The following STAG1 variants were observed in gnomAD, a reference collection of about 807,000 sequenced individuals.
STAG1 encodes cohesin subunit SA-1.
In STAG1, 26 loss-of-function variants were observed where a neutral mutation model predicts 170.9. The ratio of observed to expected loss-of-function variants is 0.15; its 90% CI spans 0.11 to 0.21. The LOEUF (loss-of-function observed/expected upper bound fraction) is 0.21, where lower values mean the gene tolerates loss of function less well. STAG1 is among the 10% of genes least tolerant of loss of function. The pLI, the probability that STAG1 is intolerant of heterozygous loss-of-function variation, is 1.00. For synonymous variants in STAG1, 514 were observed against 497.7 expected (o/e 1.03, Z -0.44); for missense variants, 964 against 1,509.5 (o/e 0.64, Z 5.99).
intron 4 of STAG1, among the ~76,000 whole-genome samples, chr3:136,571,306 C>A (rs936884964): frequency 5.9e-5 from 9 of 152,320 alleles, no homozygotes; most frequent in Middle Eastern, 3.4e-3. Context: ...TGGTGGCGCA[C>A]ACCTGAAATC....
intron 5 of STAG1, among the ~76,000 whole-genome samples, chr3:136,560,862 TGAG>T (rs1042415174): frequency 1.1e-4 from 17 of 152,182 alleles, no homozygotes; most frequent in Admixed American, 1.1e-3. Flanking sequence ...TATTCACTCA[TGAG>T]AAGATGTTTC....
intron 1 of STAG1, among the ~76,000 whole-genome samples, chr3:136,699,557 T>A (rs1013961487): frequency 6.6e-6 from 1 of 152,050 alleles, no homozygotes; most frequent in Admixed American, 6.6e-5. Flanking sequence ...ATTTATTTTT[T>A]TTTTTTTTAT....
intron 5 of STAG1, among the ~76,000 whole-genome samples, chr3:136,556,267 G>A (rs1303532438): frequency 6.6e-6 from 1 of 152,138 alleles, no homozygotes; most frequent in Non-Finnish European, 1.5e-5. Context: ...CAGAGGGGAT[G>A]AATATATGCA....
intron 21 of STAG1, among the ~76,000 whole-genome samples, chr3:136,405,670 A>G (rs2087460074): frequency 6.6e-6 from 1 of 151,594 alleles, no homozygotes; most frequent in African/African-American, 2.4e-5. Flanking sequence ...AGCCTGGGCA[A>G]TGTGGTGAAC....
At chr3:136,578,594 G>GT (rs1937527740) in intron 4 of STAG1, among the ~76,000 whole-genome samples, 1 of 152,176 alleles carries the variant, frequency 6.6e-6, no homozygotes, top group Non-Finnish European at 1.5e-5. Flanking sequence ...AAAGGGACCT[G>GT]TAGCCATTAA....
intron 7 of STAG1, among the ~76,000 whole-genome samples, chr3:136,508,250 A>G (rs192860542): frequency 4.9e-4 from 75 of 152,292 alleles, no homozygotes; most frequent in Non-Finnish European, 3.2e-4. Context: ...AATTTTGTAG[A>G]TATTTTGTAT....
intron 25 of STAG1, 30 bp downstream of exon 25, chr3:136,366,912 GA>G (rs747538086): frequency 1.3e-6 from 2 of 1,525,290 alleles, no homozygotes; most frequent in African/African-American, 2.8e-5. Context: ...CCAGTTAGAG[GA>G]AGGAGAAAAA....
At chr3:136,421,888 T>C (rs1044863861) in intron 19 of STAG1, among the ~76,000 whole-genome samples, 18 of 152,096 alleles carry the variant, frequency 1.2e-4, no homozygotes, top group African/African-American at 4.3e-4. Context: ...TGGTGGCTCA[T>C]GCCTGTAATC....
intron 6 of STAG1, among the ~76,000 whole-genome samples, chr3:136,528,676 G>T (rs1207540557): frequency 6.6e-6 from 1 of 152,040 alleles, no homozygotes; most frequent in African/African-American, 2.4e-5. Flanking sequence ...CAAGTCAGGC[G>T]CAGGGGCTCA....
At chr3:136,400,951 G>T (rs1450497035) in intron 21 of STAG1, among the ~76,000 whole-genome samples, 1 of 152,102 alleles carries the variant, frequency 6.6e-6, no homozygotes, top group African/African-American at 2.4e-5. Context: ...TATCTGCTTT[G>T]CATTGTTACA....
chr3:136,457,499 A>C lies in STAG1; in HGVS notation c.1314-5352T>G, dbSNP rs376004855. Among the ~76,000 whole-genome samples, 40 of 152,152 alleles carry C rather than the reference A, an allele frequency of 2.6e-4. 1 individual carries two copies. Among genetic ancestry groups the C allele is most frequent in the African/African-American group, 9.7e-4 (40 of 41,424 alleles). ...CTTCTTTCTTTCATCACCAATAAAT[A>C]GTGTGGGCTCCCAGAGCTCGGGGCC... On this transcript the variant is annotated intron_variant, in intron 13 of 33. Coordinates refer to ENST00000383202, the MANE Select transcript of STAG1 (RefSeq NM_005862.3).
At chr3:136,497,687 AT>A (rs1478200791) in intron 9 of STAG1, among the ~76,000 whole-genome samples, 119 of 151,710 alleles carry the variant, frequency 7.8e-4, no homozygotes, top group Non-Finnish European at 3.2e-4. Flanking sequence ...TAAAAAAAAA[AT>A]AAAATAAATA....
chr3:136,497,835 A>T (rs1423455871), intron 9 of STAG1, among the ~76,000 whole-genome samples: 1 of 150,384 alleles, frequency 6.6e-6, no homozygotes, highest in Non-Finnish European at 1.5e-5. Context: ...AGCCTGGGCA[A>T]CAGAGCGAGA....
At chr3:136,545,061 T>G (rs988462999) in intron 5 of STAG1, among the ~76,000 whole-genome samples, 2 of 152,262 alleles carry the variant, frequency 1.3e-5, no homozygotes, top group South Asian at 4.1e-4. Flanking sequence ...TTATTTCTTT[T>G]TTTTTGAGAT....
At position 136,674,902 on chromosome 3, in the gene STAG1, T is replaced by C. The variant is rs57004900; in HGVS notation, c.-83-43921A>G. 7.6e-3 allele frequency among the ~76,000 whole-genome samples: 1,157 copies of C among 152,320 alleles called. 18 individuals carry two copies. The highest frequency in any genetic ancestry group is 0.027 in the African/African-American group (1,104 of 41,568). ...GAACATGTAGAGTAGAGAACTTTGC[T>C]ACTTTCTAGCAAAAGTTAAGAGAGT... On this transcript the variant is annotated intron_variant, in intron 1 of 33. Transcript: ENST00000383202.
chr3:136,576,886 G>GTAGATTCGTTTGCTTTGGAGAAAGA (rs1452890890), intron 4 of STAG1, among the ~76,000 whole-genome samples: 1 of 152,192 alleles, frequency 6.6e-6, no homozygotes, highest in Non-Finnish European at 1.5e-5. Context: ...CTGCTTAAGA[G>GTAGATTCGTTTGCTTTGGAGAAAGA]TAGATTCGTT....
chr3:136,541,538 TCACACACACACACACACACACACACA>T (rs59155124), intron 6 of STAG1, among the ~76,000 whole-genome samples: 3 of 123,122 alleles, frequency 2.4e-5, no homozygotes, highest in East Asian at 4.6e-4. Flanking sequence ...AGCTTAACAT[TCACACACACACACACACACACACACA>T]CACACACACA....
intron 3 of STAG1, among the ~76,000 whole-genome samples, chr3:136,613,326 A>AAAAAAG (rs1939405645): frequency 6.6e-6 from 1 of 150,736 alleles, no homozygotes; most frequent in Non-Finnish European, 1.5e-5. Context: ...AAAAAAAAAA[A>AAAAAAG]AAAAAAAAAG....
chr3:136,350,961 T>TA (rs1371296273), intron 28 of STAG1, among the ~76,000 whole-genome samples: 35 of 152,196 alleles, frequency 2.3e-4, no homozygotes, highest in Non-Finnish European at 3.7e-4. Flanking sequence ...CCTGGAGTCA[T>TA]AGTCAATCCT....
Sources: allele counts gnomAD v4.1 joint callset (sites outside exome capture counted in the v4.1 genomes callset), GRCh38; gene constraint gnomAD v4.1.1; transcripts MANE v1.5; gene names NCBI Gene and HGNC (gene_info 2026-07-23, HGNC 2026-07-21).